RFX5: variants seen among roughly 807,000 people sequenced by gnomAD.
The protein encoded by RFX5 is DNA-binding protein RFX5.
Under a neutral mutation model 41.2 loss-of-function variants are expected in RFX5, and 30 were observed. That is an observed-to-expected ratio of 0.73 (90% CI 0.54 to 0.99). RFX5 has a LOEUF of 0.99. Ranked by LOEUF, RFX5 falls within the 50% of genes least tolerant of loss-of-function variation. The pLI is 0.00. For synonymous variants in RFX5, 231 were observed against 291.8 expected, an observed-to-expected ratio of 0.79 and a Z score of 2.12; for missense variants, 715 against 773.6, an observed-to-expected ratio of 0.92 and a Z score of 0.90.
rs774975649 is a variant in RFX5, at chr1:151,346,282, A to C, written c.39T>G (p.Thr13=). The C allele has an allele frequency of 1.2e-6, 2 of 1,614,116 alleles. No homozygotes were observed. The highest frequency in any genetic ancestry group is 4.5e-5 in the East Asian group (2 of 44,872). ...EDEPDAKSPK[T]GGRAPPGGAE... is the part of the protein sequence containing the mutation. ...CACCACCTGGGGGGGCCCTTCCCCCAGTCTTGGGGCTCTTAGCATCAGGCT... is the reference window on the plus strand; with the variant it reads ...CACCACCTGGGGGGGCCCTTCCCCCCGTCTTGGGGCTCTTAGCATCAGGCT... The change falls in exon 3 of 11, where the codon ACT becomes ACG. Residue 13 remains threonine (T), a synonymous_variant. Coordinates refer to ENST00000452671, the MANE Select transcript of RFX5 (RefSeq NM_001025603.2).
Position 151,345,102 on chromosome 1 carries a change from C to T in RFX5, c.233+4G>A, listed in dbSNP as rs2233846. 1 of 1,613,594 alleles carries T rather than the reference C, an allele frequency of 6.2e-7. No individual in the cohort carries two copies. Among genetic ancestry groups the T allele is most frequent in the South Asian group, 1.1e-5 (1 of 91,074 alleles). ...CTGCCATCTAAAACTACTATCAAACCTACCTTTTGTCTCCAGTGGTGGGTC... is the reference window on the plus strand; with the variant it reads ...CTGCCATCTAAAACTACTATCAAACTTACCTTTTGTCTCCAGTGGTGGGTC... On this transcript the variant is annotated splice_donor_region_variant and intron_variant, in intron 5 of 10. Coordinates refer to ENST00000452671, the MANE Select transcript of RFX5 (RefSeq NM_001025603.2).
chr1:151,343,023 G>A lies in RFX5; in HGVS notation c.1014C>T (p.Arg338=). ...AGACTGGGATTGGCGGAATTAGTGA[G>A]CGAGGGGCCCGGGGAAGGAGCAGAG... ...RLPLLLPRAP[R]SLIPPIPVSP... Residue 338 remains arginine, a synonymous_variant, in exon 11 of 11, where the codon CGC becomes CGT. Coordinates refer to ENST00000452671, the MANE Select transcript of RFX5 (RefSeq NM_001025603.2). The A allele has an allele frequency of 6.2e-7, 1 of 1,613,694 alleles. No homozygotes were observed. The highest frequency in any genetic ancestry group is 1.7e-5 in the Admixed American group (1 of 60,034).
chr1:151,342,728 G>A lies in RFX5; in HGVS notation c.1309C>T (p.Pro437Ser), dbSNP rs758211633. ...DKGVKRTAEV[P>S]VSEASGQAPP... Reference sequence around the variant, plus strand: ...GCCTGCCCACTGGCCTCACTCACAGGTACTTCAGCTGTCCTCTTGACACCC... The same window carrying A: ...GCCTGCCCACTGGCCTCACTCACAGATACTTCAGCTGTCCTCTTGACACCC... Residue 437 changes from proline to serine, a missense_variant, in exon 11 of 11, where the codon CCT becomes TCT. Coordinates refer to ENST00000452671, the MANE Select transcript of RFX5 (RefSeq NM_001025603.2). 1 of 1,614,194 alleles carries A rather than the reference G, an allele frequency of 6.2e-7. No homozygotes were observed. The highest frequency in any genetic ancestry group is 1.1e-5 in the South Asian group (1 of 91,086).
rs1650490914 is a variant in RFX5 at position 151,342,114 on chromosome 1, C to G, written c.*72G>C. On this transcript the variant is annotated 3_prime_UTR_variant, in exon 11 of 11. Transcript: ENST00000452671. ...AGGAAAAGAATAGCCAAATGAGAAG[C>G]AAGTGCAAAGAAGGGCCTCTACTAG... is the stretch of plus-strand genomic sequence containing the variant. The G allele has an allele frequency of 6.2e-7, 1 of 1,602,278 alleles. No homozygotes were observed. Among genetic ancestry groups the G allele is most frequent in the Non-Finnish European group, 8.5e-7 (1 of 1,169,674 alleles).
At position 151,345,950 on chromosome 1, in the gene RFX5, T is replaced by G; in HGVS notation, c.128A>C (p.Gln43Pro). The change falls in exon 4 of 11, where the codon CAG (glutamine) becomes CCG (proline). Residue 43 changes from glutamine (Q) to proline (P), a missense_variant. By Grantham distance (76) the Gln-to-Pro change is moderately conservative. Transcript: ENST00000452671. ...TACCAGGATCCCCTCTACTTTGTTC[T>G]GCACGGCCTTGCTGTGGGGAAGAGG... is the stretch of plus-strand genomic sequence containing the variant. ...RLRGTISKAV[Q>P]NKVEGILQDV... is the part of the protein sequence containing the mutation. The G allele has an allele frequency of 6.2e-7, 1 of 1,614,214 alleles. No homozygotes were observed. Among genetic ancestry groups the G allele is most frequent in the Non-Finnish European group, 8.5e-7 (1 of 1,180,030 alleles).
chr1:151,344,328 G>A (rs1324389835), intron 7 of RFX5, 50 bp from the exon 8 acceptor site: 4 of 1,613,754 alleles, frequency 2.5e-6, no homozygotes, highest in African/African-American at 1.3e-5. Flanking sequence ...CAAGCCCCTC[G>A]AGCAAGTTAA....
At chr1:151,343,250 A>G (rs1650666259) in intron 10 of RFX5, 72 bp from the exon 11 acceptor site, 2 of 1,609,732 alleles carry the variant, frequency 1.2e-6, no homozygotes, top group African/African-American at 2.7e-5. Flanking sequence ...CGCCAGAGGC[A>G]CAGGAGGTGG....
At chr1:151,347,173 AC>A (rs1651165522) in intron 1 of RFX5, 37 bp downstream of exon 1, 1 of 152,262 alleles carries the variant, frequency 6.6e-6, no homozygotes, top group Admixed American at 6.5e-5. Context: ...GCCTTCCAAC[AC>A]AAGCAACAAT....
Position 151,342,812 on chromosome 1 carries a change from G to A in RFX5, c.1225C>T (p.Pro409Ser), listed in dbSNP as rs1650592357. 4 of 1,614,088 alleles carry A rather than the reference G, an allele frequency of 2.5e-6. No homozygotes were observed. The highest frequency in any genetic ancestry group is 3.4e-6 in the Non-Finnish European group (4 of 1,179,970). The change falls in exon 11 of 11, where the codon CCC (proline) becomes TCC (serine). Residue 409 changes from proline to serine, a missense_variant. Transcript: ENST00000452671. Reference sequence around the variant, plus strand: ...ACCTCTCTGTTCTCTGTGCCCCGGGGCTGAGTGAGTCCCCCAGGTGGAGCT... The same window carrying A: ...ACCTCTCTGTTCTCTGTGCCCCGGGACTGAGTGAGTCCCCCAGGTGGAGCT... ...GRAPPGGLTQ[P>S]RGTENREVGI...
intron 4 of RFX5, 82 bp downstream of exon 4, chr1:151,345,845 TG>T (rs1353861965): frequency 1.3e-6 from 2 of 1,580,642 alleles, no homozygotes; most frequent in Non-Finnish European, 1.7e-6. Context: ...CCCACATCAA[TG>T]TTTTGTTGAT....
chr1:151,343,835 C>T lies in RFX5; in HGVS notation c.603G>A (p.Val201=), dbSNP rs776987628. 4.3e-6 allele frequency: 7 copies of T among 1,614,046 alleles called. No homozygotes were observed. The Admixed American group carries it at 1.2e-4, about 27-fold the overall frequency. ...EVTPAPRDEL[V]EAACALTCDW... is the part of the protein sequence containing the mutation. ...CACAGGTCAGGGCACACGCTGCCTC[C>T]ACCAGTTCATCTCGAGGTGCTGGGG... Residue 201 remains valine (V), a synonymous_variant, in exon 9 of 11, where the codon GTG becomes GTA. Coordinates refer to ENST00000452671, the MANE Select transcript of RFX5 (RefSeq NM_001025603.2).
rs748110897 is a variant in RFX5 at position 151,345,917 on chromosome 1, A to G, written c.150+11T>C. On this transcript the variant is annotated intron_variant, in intron 4 of 10. Transcript: ENST00000452671. ...CCATCCCTCTCTTGCCCTCTTCCCC[A>G]ACACACTTACCAGGATCCCCTCTAC... is the stretch of plus-strand genomic sequence containing the variant. 191 of 1,614,026 alleles carry G rather than the reference A, an allele frequency of 1.2e-4. 4 individuals are homozygous for G. The South Asian group carries it at 2.0e-3, about 17-fold the overall frequency.
chr1:151,342,377 C>G lies in RFX5; in HGVS notation c.1660G>C (p.Ala554Pro). 6.2e-7 allele frequency: 1 copy of G among 1,614,156 alleles called. No individual in the cohort carries two copies. The highest frequency in any genetic ancestry group is 1.3e-5 in the African/African-American group (1 of 75,036). ...GGGACCAAGGGAATTTTATCTTCTG[C>G]TTCTTTGGTATGCTGGGAACCGGGG... ...RGPGSQHTKE[A>P]EDKIPLVPSK... Residue 554 changes from alanine (A) to proline (P), a missense_variant, in exon 11 of 11, where the codon GCA (alanine) becomes CCA (proline). Coordinates refer to ENST00000452671, the MANE Select transcript of RFX5 (RefSeq NM_001025603.2).
chr1:151,346,560 T>A lies in RFX5; in HGVS notation c.-85A>T. 2 of 505,326 alleles carry A rather than the reference T, an allele frequency of 4.0e-6. No homozygotes were observed. The highest frequency in any genetic ancestry group is 7.2e-6 in the Non-Finnish European group (2 of 277,540). The allele number at this position is 505,326 out of a possible 1,614,324, so 31.3% of individuals were successfully genotyped here. A position where few individuals can be genotyped will look rare whatever the true frequency, so the allele number is the denominator to read the frequency against. On this transcript the variant is annotated 5_prime_UTR_variant, in exon 2 of 11. Transcript: ENST00000452671. ...TATGCCCAAAGAGATCTTTGCCATC[T>A]CCATTCTATCTGCCCCACCTTTCTG...
chr1:151,342,479 GC>G lies in RFX5; in HGVS notation c.1557del (p.Pro520GlnfsTer46). 1 of 1,614,042 alleles carries G rather than the reference GC, an allele frequency of 6.2e-7. No individual in the cohort carries two copies. Among genetic ancestry groups the G allele is most frequent in the South Asian group, 1.1e-5 (1 of 91,082 alleles). ...GCCCCCTTTTCAGCCTCTCCCATTGGCCCTGGCCTCTCTGCCCCTCCAGCTG... is the reference window on the plus strand; with the variant it reads ...GCCCCCTTTTCAGCCTCTCCCATTGGCCTGGCCTCTCTGCCCCTCCAGCTG... The part of the protein sequence containing the change: ...GNSAGGAERP[G>X]PMGEAEKGAV... On this transcript the variant is annotated frameshift_variant, in exon 11 of 11. Coordinates refer to ENST00000452671, the MANE Select transcript of RFX5 (RefSeq NM_001025603.2). LOFTEE classifies it low-confidence loss of function (END_TRUNC).
Position 151,342,206 on chromosome 1 carries a change from G to C in RFX5, c.1831C>G (p.Pro611Ala). 1 of 1,614,134 alleles carries C rather than the reference G, an allele frequency of 6.2e-7. No homozygotes were observed. The highest frequency in any genetic ancestry group is 8.5e-7 in the Non-Finnish European group (1 of 1,180,024). The change falls in exon 11 of 11, where the codon CCA (proline) becomes GCA (alanine). Residue 611 changes from proline to alanine, a missense_variant. Coordinates refer to ENST00000452671, the MANE Select transcript of RFX5 (RefSeq NM_001025603.2). The part of the protein sequence containing the change: ...QSSLSQEHKD[P>A]KATPP ...CTGTATCATGGGGGTGTTGCTTTTG[G>C]GTCTTTATGCTCCTGGGATAAGGAA...
chr1:151,346,303 A>G lies in RFX5; in HGVS notation c.18T>C (p.Pro6=), dbSNP rs1426457508. MAEDE[P]DAKSPKTGGR... is the part of the protein sequence containing the mutation. ...CCCCAGTCTTGGGGCTCTTAGCATCAGGCTCATCTTCTGCCATCCCGGCAT... is the reference window on the plus strand; with the variant it reads ...CCCCAGTCTTGGGGCTCTTAGCATCGGGCTCATCTTCTGCCATCCCGGCAT... The change falls in exon 3 of 11, where the codon CCT becomes CCC. Residue 6 remains proline (P), a synonymous_variant. Transcript: ENST00000452671. The G allele has an allele frequency of 5.0e-6, 8 of 1,614,038 alleles. No homozygotes were observed. The South Asian group carries it at 7.7e-5, about 16-fold the overall frequency.
chr1:151,346,155 G>T, intron 3 of RFX5, 50 bp downstream of exon 3: 1 of 1,574,078 alleles, frequency 6.4e-7, no homozygotes, highest in Middle Eastern at 1.7e-4. Flanking sequence ...GTGCTGCAGG[G>T]ATCTATACTC....
Position 151,346,208 on chromosome 1 carries a change from A to G in RFX5, c.113T>C (p.Ile38Thr). ...TGGAGATGTGATGAGTACTTACGAA[A>G]TGGTACCTCGGAGCCTCTGAAGAAG... ...TTLLQRLRGT[I>T]SKAVQNKVEG... Residue 38 changes from isoleucine (I) to threonine (T), a missense_variant, in exon 3 of 11, where the codon ATT (isoleucine) becomes ACT (threonine). Ile to Thr is a moderately conservative substitution (Grantham distance 89). Transcript: ENST00000452671. The G allele has an allele frequency of 6.2e-7, 1 of 1,614,072 alleles. No homozygotes were observed.
Sources: allele counts gnomAD v4.1 joint callset, GRCh38; gene constraint gnomAD v4.1.1; transcripts MANE v1.5; gene names NCBI Gene and HGNC (gene_info 2026-07-23, HGNC 2026-07-21).